The following WDFY2 variants were observed in gnomAD, a reference collection of about 807,000 sequenced individuals.
The protein encoded by WDFY2 is WD repeat and FYVE domain containing 2.
Under a neutral mutation model 56.4 loss-of-function variants are expected in WDFY2, and 36 were observed. The observed-to-expected ratio is 0.64, with a 90% CI of 0.49 to 0.84. The LOEUF (loss-of-function observed/expected upper bound fraction) is 0.84. WDFY2 is among the 40% of genes least tolerant of loss of function. The probability of loss-of-function intolerance (pLI) is 0.00; values close to 1 mark genes in which losing one functional copy is unlikely to be tolerated. For synonymous variants in WDFY2, 176 were observed against 183.7 expected, an observed-to-expected ratio of 0.96 and a Z score of 0.34; for missense variants, 444 against 512.2, an observed-to-expected ratio of 0.87 and a Z score of 1.29.
intron 1 of WDFY2, among the ~76,000 whole-genome samples, chr13:51,643,286 C>G (rs575582244): frequency 1.3e-5 from 2 of 152,242 alleles, no homozygotes; most frequent in African/African-American, 4.8e-5. Flanking sequence ...AGATGACTAT[C>G]CTGGAAGACA....
intron 3 of WDFY2, among the ~76,000 whole-genome samples, chr13:51,680,036 C>T (rs1955952078): frequency 6.6e-6 from 1 of 152,190 alleles, no homozygotes; most frequent in Admixed American, 6.5e-5. Flanking sequence ...GTAATCTTCC[C>T]ACCTCAGCCT....
At chr13:51,602,905 G>A (rs1179362747) in intron 1 of WDFY2, among the ~76,000 whole-genome samples, 1 of 152,154 alleles carries the variant, frequency 6.6e-6, no homozygotes. Context: ...TCCTGTAAAA[G>A]TGTTTGTAAC....
intron 1 of WDFY2, among the ~76,000 whole-genome samples, chr13:51,602,919 TC>T (rs1362477407): frequency 6.6e-6 from 1 of 152,126 alleles, no homozygotes; most frequent in Non-Finnish European, 1.5e-5. Flanking sequence ...TTGTAACTCT[TC>T]CCCCTACTCC....
At chr13:51,696,123 G>A (rs1381589425) in intron 3 of WDFY2, among the ~76,000 whole-genome samples, 2 of 152,292 alleles carry the variant, frequency 1.3e-5, no homozygotes, top group African/African-American at 4.8e-5. Flanking sequence ...GACCCCTTGC[G>A]CTTCCCGAGT....
In WDFY2 at chr13:51,697,442, G is replaced by A. The variant is rs369513982; in HGVS notation, c.280-6154G>A. Among the ~76,000 whole-genome samples, 32 of 152,188 alleles carry A rather than the reference G, an allele frequency of 2.1e-4. No homozygotes were observed. In the East Asian group the frequency reaches 4.4e-3, roughly 21 times the overall value. ...GAGCTCAGGAGTTCAAGAGCAGCCT[G>A]GGTAACGTGGTAAAACGCCATCTCT... On this transcript the variant is annotated intron_variant, in intron 3 of 11. Transcript: ENST00000298125.
chr13:51,683,696 CT>C (rs1956014681), intron 3 of WDFY2, among the ~76,000 whole-genome samples: 1 of 152,212 alleles, frequency 6.6e-6, no homozygotes, highest in African/African-American at 2.4e-5. Flanking sequence ...GGTTGCGGAA[CT>C]GCTGTCACCT....
chr13:51,619,333 G>T lies in WDFY2; in HGVS notation c.137+34509G>T, dbSNP rs193176164. On this transcript the variant is annotated intron_variant, in intron 1 of 11. Transcript: ENST00000298125. The stretch of plus-strand genomic sequence containing the variant: ...CAAAAAATTAGCTGGGCATGGTGGT[G>T]CACGCCTGTGGTCCCAGTGAGGCAA... Among the ~76,000 whole-genome samples the T allele has an allele frequency of 2.6e-5, 4 of 151,910 alleles. No individual in the cohort carries two copies. The East Asian group carries it at 7.8e-4, about 29-fold the overall frequency.
chr13:51,621,488 A>T (rs894658598), intron 1 of WDFY2, among the ~76,000 whole-genome samples: 1 of 152,182 alleles, frequency 6.6e-6, no homozygotes, highest in African/African-American at 2.4e-5. Flanking sequence ...TTGGGCGACA[A>T]GAGTGAAACT....
chr13:51,661,142 C>T (rs1312117788), intron 2 of WDFY2, among the ~76,000 whole-genome samples: 1 of 152,090 alleles, frequency 6.6e-6, no homozygotes, highest in Non-Finnish European at 1.5e-5. Context: ...TTTCATTTCC[C>T]CAAGATCTTA....
At chr13:51,712,285 TG>T (rs1318870558) in intron 4 of WDFY2, among the ~76,000 whole-genome samples, 1 of 152,100 alleles carries the variant, frequency 6.6e-6, no homozygotes, top group Non-Finnish European at 1.5e-5. Context: ...CATCACACGC[TG>T]GGGCCTATCG....
intron 1 of WDFY2, among the ~76,000 whole-genome samples, chr13:51,620,540 A>T (rs1013462391): frequency 5.3e-5 from 8 of 151,906 alleles, no homozygotes; most frequent in African/African-American, 1.9e-4. Context: ...TAGTGGCATT[A>T]TCTCTCCCGT....
At chr13:51,754,741 A>T (rs1953325900) in intron 8 of WDFY2, among the ~76,000 whole-genome samples, 1 of 152,176 alleles carries the variant, frequency 6.6e-6, no homozygotes, top group Non-Finnish European at 1.5e-5. Flanking sequence ...AATTTGCAGG[A>T]GTTGTTTGTT....
intron 2 of WDFY2, among the ~76,000 whole-genome samples, chr13:51,673,225 T>C (rs1037990900): frequency 6.6e-6 from 1 of 152,242 alleles, no homozygotes; most frequent in African/African-American, 2.4e-5. Context: ...TATGCAGTGT[T>C]GTAAAAAAGT....
chr13:51,709,563 G>A (rs146827416), intron 4 of WDFY2, among the ~76,000 whole-genome samples: 2 of 152,000 alleles, frequency 1.3e-5, no homozygotes, highest in Non-Finnish European at 2.9e-5. Context: ...GGAAAAGAGA[G>A]AAGAATCAAA....
At chr13:51,654,454 C>T (rs537451329) in intron 1 of WDFY2, among the ~76,000 whole-genome samples, 1 of 152,300 alleles carries the variant, frequency 6.6e-6, no homozygotes, top group African/African-American at 2.4e-5. Flanking sequence ...AACCTGGTAC[C>T]TCAGGTGGAA....
intron 1 of WDFY2, among the ~76,000 whole-genome samples, chr13:51,651,381 AT>A (rs2138428393): frequency 6.6e-6 from 1 of 152,152 alleles, no homozygotes; most frequent in Admixed American, 6.5e-5. Context: ...GGATTCATTA[AT>A]TTTTTGAAGC....
chr13:51,708,756 A>G (rs1952144863), intron 4 of WDFY2, among the ~76,000 whole-genome samples: 1 of 152,240 alleles, frequency 6.6e-6, no homozygotes, highest in Non-Finnish European at 1.5e-5. Context: ...AGACCCAAGT[A>G]TAAACTATAA....
In WDFY2 at chr13:51,761,909, C is replaced by G. The variant is rs760917367; in HGVS notation, c.*2140C>G. 6.6e-6 allele frequency: 1 copy of G among 152,280 alleles called. No homozygotes were observed. The highest frequency in any genetic ancestry group is 2.4e-5 in the African/African-American group (1 of 41,468). The allele number at this position is 152,280 out of a possible 1,614,324, so 9.4% of individuals were successfully genotyped here. On this transcript the variant is annotated 3_prime_UTR_variant, in exon 12 of 12. Coordinates refer to ENST00000298125, the MANE Select transcript of WDFY2 (RefSeq NM_052950.4). ...CACAGGCTGTTAGCACTTGTCGCCT[C>G]GCTGCCCTGGTCCAGACTACCCTTG... is the stretch of plus-strand genomic sequence containing the variant.
At chr13:51,719,090 C>T (rs1316628430) in intron 4 of WDFY2, 108 bp from the exon 5 acceptor site, 2 of 1,482,340 alleles carry the variant, frequency 1.3e-6, no homozygotes, top group Non-Finnish European at 1.9e-6. Flanking sequence ...TTCTGCTGTT[C>T]AGCTTATTCT....
Sources: gnomAD v4.1 joint callset for allele counts (sites outside exome capture counted in the v4.1 genomes callset) on GRCh38, gnomAD v4.1.1 for gene constraint, MANE v1.5 for transcripts, NCBI Gene and HGNC (gene_info 2026-07-23, HGNC 2026-07-21) for gene names.